NRIP1: variants seen among roughly 807,000 people sequenced by gnomAD.
The protein encoded by NRIP1 is nuclear receptor interacting protein 1, also known as nuclear receptor-interacting protein 1.
A neutral mutation model predicts 75.0 loss-of-function variants in NRIP1; 28 were observed. That is an observed-to-expected ratio of 0.37 (90% CI 0.28 to 0.51). The LOEUF is 0.51. Among genes scored for constraint, NRIP1 ranks in the 20% least tolerant of loss-of-function variants. The pLI is 0.92. For synonymous variants in NRIP1, 526 were observed against 487.6 expected (o/e 1.08, Z -1.04); for missense variants, 1,435 against 1,343.7 (o/e 1.07, Z -1.06).
chr21:14,979,858 G>T, intron 3 of NRIP1, among the ~76,000 whole-genome samples: 1 of 150,572 alleles, frequency 6.6e-6, no homozygotes, highest in East Asian at 2.0e-4. Context: ...ATATATATAT[G>T]CTTGCACTTT....
chr21:14,969,373 A>G (rs577227036), intron 3 of NRIP1, among the ~76,000 whole-genome samples: 1 of 152,344 alleles, frequency 6.6e-6, no homozygotes, highest in South Asian at 2.1e-4. Flanking sequence ...ATAAACATAT[A>G]TAAAAAGTAC....
At chr21:15,011,511 A>C (rs1207299909) in intron 3 of NRIP1, among the ~76,000 whole-genome samples, 1 of 152,114 alleles carries the variant, frequency 6.6e-6, no homozygotes, top group East Asian at 1.9e-4. Context: ...TTTAAAAAAA[A>C]ATTTATATAG....
At chr21:15,046,715 C>A (rs1193343064) in intron 1 of NRIP1, among the ~76,000 whole-genome samples, 1 of 152,226 alleles carries the variant, frequency 6.6e-6, no homozygotes, top group African/African-American at 2.4e-5. Context: ...TTCATTTACA[C>A]TGAAAATCTG....
intron 3 of NRIP1, among the ~76,000 whole-genome samples, chr21:14,990,266 A>T (rs2087532826): frequency 6.6e-6 from 1 of 151,386 alleles, no homozygotes; most frequent in South Asian, 2.1e-4. Flanking sequence ...TTATTTCTCA[A>T]GTTTGAATGT....
At chr21:15,046,327 G>C (rs2147341558) in intron 1 of NRIP1, among the ~76,000 whole-genome samples, 1 of 152,288 alleles carries the variant, frequency 6.6e-6, no homozygotes, top group African/African-American at 2.4e-5. Flanking sequence ...TAACTTCCTT[G>C]TACATCTCCA....
chr21:14,976,957 T>G (rs1293779620), intron 3 of NRIP1, among the ~76,000 whole-genome samples: 1 of 152,214 alleles, frequency 6.6e-6, no homozygotes, highest in Non-Finnish European at 1.5e-5. Context: ...TCCCCCAATT[T>G]GTTCTGCAAT....
intron 1 of NRIP1, among the ~76,000 whole-genome samples, chr21:15,059,277 A>C (rs1225220333): frequency 6.6e-6 from 1 of 152,210 alleles, no homozygotes; most frequent in Non-Finnish European, 1.5e-5. Context: ...TCTTCTTTCC[A>C]TCCTTAAAGA....
intron 3 of NRIP1, among the ~76,000 whole-genome samples, chr21:15,006,968 T>C (rs1420969846): frequency 6.6e-6 from 1 of 152,048 alleles, no homozygotes; most frequent in East Asian, 1.9e-4. Flanking sequence ...GGTTAAAAAA[T>C]GAGTAAGGGC....
intron 3 of NRIP1, among the ~76,000 whole-genome samples, chr21:14,969,172 TAC>T (rs1017151798): frequency 1.3e-5 from 2 of 152,220 alleles, no homozygotes; most frequent in Admixed American, 1.3e-4. Context: ...AACATTAAAA[TAC>T]AGTCATAAAC....
Position 15,027,312 on chromosome 21 carries a change from A to G in NRIP1, c.-457-12846T>C, listed in dbSNP as rs369731226. Among the ~76,000 whole-genome samples, 5 of 152,326 alleles carry G rather than the reference A, an allele frequency of 3.3e-5. No homozygotes were observed. In the South Asian group the frequency reaches 6.2e-4, roughly 19 times the overall value. ...GCAGATCACTGTCATATTGTGCCTC[A>G]TAATTCAAATACATTCCTGTTTATA... On this transcript the variant is annotated intron_variant, in intron 2 of 3. Transcript: ENST00000318948.
intron 1 of NRIP1, among the ~76,000 whole-genome samples, chr21:15,056,376 C>T (rs769026088): frequency 4.6e-5 from 7 of 151,194 alleles, no homozygotes; most frequent in Non-Finnish European, 1.0e-4. Context: ...TTTAGCAATA[C>T]AGTTAACAAT....
In NRIP1 at chr21:14,963,892, TAAA is replaced by T. The variant is rs1372853609; in HGVS notation, c.*821_*823del. On this transcript the variant is annotated 3_prime_UTR_variant, in exon 4 of 4. Transcript: ENST00000318948. ...CAAAGAAAAGCCATTTTGCTTCTGT[TAAA>T]AACAATTTCTTAAATATTCAACTTT... 1 of 152,586 alleles carries T rather than the reference TAAA, an allele frequency of 6.6e-6. No individual in the cohort carries two copies. The highest frequency in any genetic ancestry group is 1.9e-4 in the East Asian group (1 of 5,198). 9.5% of individuals were successfully genotyped at this position (152,586 alleles called of 1,614,324 possible).
intron 3 of NRIP1, among the ~76,000 whole-genome samples, chr21:14,969,078 G>A (rs926066184): frequency 1.1e-4 from 16 of 152,090 alleles, no homozygotes; most frequent in Non-Finnish European, 1.5e-4. Context: ...TAGAATTTCC[G>A]TTTTCAAAAA....
chr21:15,040,636 T>C (rs888409223), intron 2 of NRIP1, among the ~76,000 whole-genome samples: 3 of 152,086 alleles, frequency 2.0e-5, no homozygotes, highest in African/African-American at 7.2e-5. Context: ...ATGCCTGATT[T>C]GCTTCAAAAT....
intron 2 of NRIP1, among the ~76,000 whole-genome samples, chr21:15,043,273 T>C (rs2088998095): frequency 1.3e-5 from 2 of 152,222 alleles, no homozygotes; most frequent in Non-Finnish European, 2.9e-5. Flanking sequence ...TTAAAATAGG[T>C]AAAACTGGTT....
At position 14,962,503 on chromosome 21, in the gene NRIP1, A is replaced by C. The variant is rs1041879982; in HGVS notation, c.*2213T>G. The C allele has an allele frequency of 2.0e-5, 3 of 152,418 alleles. No homozygotes were observed. The highest frequency in any genetic ancestry group is 7.2e-5 in the African/African-American group (3 of 41,410). The allele number at this position is 152,418 out of a possible 1,614,324, so 9.4% of individuals were successfully genotyped here. A position where few individuals can be genotyped will look rare whatever the true frequency, so the allele number is the denominator to read the frequency against. ...ACCTAAATTTCACTCTCTTGTAAAAAGGTCATTTCCCCCTACCCAAGGGAG... is the reference window on the plus strand; with the variant it reads ...ACCTAAATTTCACTCTCTTGTAAAACGGTCATTTCCCCCTACCCAAGGGAG... On this transcript the variant is annotated 3_prime_UTR_variant, in exon 4 of 4. Transcript: ENST00000318948.
intron 3 of NRIP1, among the ~76,000 whole-genome samples, chr21:14,999,093 C>CAA (rs1281236678): frequency 6.6e-6 from 1 of 152,096 alleles, no homozygotes; most frequent in Non-Finnish European, 1.5e-5. Context: ...TAACCTTGAA[C>CAA]TCTTGGGCTC....
chr21:15,005,494 G>T (rs778469697), intron 3 of NRIP1, among the ~76,000 whole-genome samples: 1 of 152,104 alleles, frequency 6.6e-6, no homozygotes, highest in Non-Finnish European at 1.5e-5. Flanking sequence ...GTCACAGGGC[G>T]GGTTAGTGTG....
In NRIP1 at chr21:14,966,441, G is replaced by A. The variant is rs889612066; in HGVS notation, c.1752C>T (p.Cys584=). Residue 584 remains cysteine, a synonymous_variant, in exon 4 of 4, where the codon TGC becomes TGT. Transcript: ENST00000318948. ...TTGTTAGCTTTTCAGACTGAGTACT[G>A]CAGACATATGGTGGGGAATTCCATT... is the stretch of plus-strand genomic sequence containing the variant. ...VIKWNSPPYV[C]STQSEKLTNT... is the part of the protein sequence containing the mutation. The A allele has an allele frequency of 6.2e-7, 1 of 1,614,082 alleles. No individual in the cohort carries two copies.
Sources: allele counts gnomAD v4.1 joint callset (sites outside exome capture counted in the v4.1 genomes callset), GRCh38; gene constraint gnomAD v4.1.1; transcripts MANE v1.5; gene names NCBI Gene and HGNC (gene_info 2026-07-23, HGNC 2026-07-21).